Variants in DYNC1I1 observed in about 807,000 individuals in gnomAD.
DYNC1I1 encodes dynein cytoplasmic 1 intermediate chain 1.
Under a neutral mutation model 86.6 loss-of-function variants are expected in DYNC1I1, and 43 were observed. The ratio of observed to expected loss-of-function variants is 0.50; its 90% CI spans 0.39 to 0.64. The LOEUF (loss-of-function observed/expected upper bound fraction) is 0.64. Ranked by LOEUF, DYNC1I1 falls within the 30% of genes least tolerant of loss-of-function variation. The pLI, the probability that DYNC1I1 is intolerant of heterozygous loss-of-function variation, is 0.00. For missense variants in DYNC1I1, 604 were observed against 788.8 expected, an observed-to-expected ratio of 0.77 and a Z score of 2.81; for synonymous variants, 262 against 283.7, an observed-to-expected ratio of 0.92 and a Z score of 0.77.
intron 14 of DYNC1I1, among the ~76,000 whole-genome samples, chr7:96,055,358 T>G (rs1291424018): frequency 1.3e-5 from 2 of 151,970 alleles, no homozygotes; most frequent in African/African-American, 4.8e-5. Context: ...GGTATACCTA[T>G]GTAACAAACC....
At chr7:95,890,041 C>T (rs573734381) in intron 6 of DYNC1I1, among the ~76,000 whole-genome samples, 4 of 152,242 alleles carry the variant, frequency 2.6e-5, no homozygotes, top group African/African-American at 9.6e-5. Context: ...TGTGGCAATT[C>T]CTGAAATAGC....
intron 6 of DYNC1I1, among the ~76,000 whole-genome samples, chr7:95,942,962 C>T (rs1380790784): frequency 1.4e-5 from 2 of 143,760 alleles, no homozygotes; most frequent in African/African-American, 5.2e-5. Context: ...AAAACTGGCA[C>T]AAGACAGGGA....
intron 6 of DYNC1I1, among the ~76,000 whole-genome samples, chr7:95,886,571 G>C (rs757991831): frequency 4.6e-5 from 7 of 152,130 alleles, no homozygotes; most frequent in Non-Finnish European, 1.0e-4. Flanking sequence ...CTGACTTTAA[G>C]TTTCTTCCCA....
At position 95,803,828 on chromosome 7, in the gene DYNC1I1, G is replaced by A. The variant is rs144725200; in HGVS notation, c.-9-893G>A. Among the ~76,000 whole-genome samples the A allele has an allele frequency of 6.6e-3, 1,003 of 152,156 alleles. 7 individuals are homozygous for A. The highest frequency in any genetic ancestry group is 0.022 in the African/African-American group (921 of 41,512). On this transcript the variant is annotated intron_variant, in intron 1 of 16. Transcript: ENST00000447467. ...TTCCATTTTGTTAGTTTTCATTTGG[G>A]AGCACAAAAGACTCAAATATATAAT...
At position 95,815,401 on chromosome 7, in the gene DYNC1I1, A is replaced by C. The variant is rs142395072; in HGVS notation, c.314+2064A>C. On this transcript the variant is annotated intron_variant, in intron 4 of 16. Transcript: ENST00000447467. ...TGCAGGTTTCATAGAAATGCAAGAA[A>C]ATTTGCATTGAAAAATGCTAGTTTT... 5.3e-5 allele frequency among the ~76,000 whole-genome samples: 8 copies of C among 152,284 alleles called. No homozygotes were observed. In the East Asian group the frequency reaches 1.5e-3, roughly 29 times the overall value.
chr7:95,959,226 G>A (rs1375666291), intron 6 of DYNC1I1, among the ~76,000 whole-genome samples: 5 of 152,248 alleles, frequency 3.3e-5, no homozygotes. Context: ...GGCAGATCTT[G>A]CAAAGCTTTG....
intron 8 of DYNC1I1, 75 bp downstream of exon 8, chr7:95,985,052 A>G (rs544281871): frequency 1.3e-6 from 2 of 1,560,730 alleles, no homozygotes; most frequent in South Asian, 2.5e-5. Context: ...TGTTCTGACT[A>G]GGAAAATTCC....
intron 6 of DYNC1I1, among the ~76,000 whole-genome samples, chr7:95,894,721 A>G (rs1406291842): frequency 6.6e-6 from 1 of 152,232 alleles, no homozygotes; most frequent in Non-Finnish European, 1.5e-5. Context: ...TTCCTGTAGC[A>G]TAAAAATCTG....
intron 16 of DYNC1I1, among the ~76,000 whole-genome samples, chr7:96,083,287 A>G (rs1426288279): frequency 3.3e-5 from 5 of 152,130 alleles, no homozygotes; most frequent in Non-Finnish European, 5.9e-5. Flanking sequence ...GTGGTTTTAT[A>G]AGTATTTTTA....
intron 5 of DYNC1I1, among the ~76,000 whole-genome samples, chr7:95,857,026 T>C (rs1189978910): frequency 6.6e-6 from 1 of 152,124 alleles, no homozygotes; most frequent in Non-Finnish European, 1.5e-5. Context: ...ATCTCAACCA[T>C]AGCCTTGTTG....
At chr7:95,882,441 G>A (rs1203670647) in intron 6 of DYNC1I1, among the ~76,000 whole-genome samples, 1 of 152,194 alleles carries the variant, frequency 6.6e-6, no homozygotes, top group Non-Finnish European at 1.5e-5. Context: ...TGGATAGGAA[G>A]TTTGAGCATC....
chr7:95,792,830 G>A (rs755923380), intron 1 of DYNC1I1, among the ~76,000 whole-genome samples: 1 of 152,074 alleles, frequency 6.6e-6, no homozygotes, highest in Non-Finnish European at 1.5e-5. Flanking sequence ...AGATGAATAG[G>A]GGGCATCAGG....
intron 5 of DYNC1I1, among the ~76,000 whole-genome samples, chr7:95,834,472 G>T: frequency 9.5e-6 from 1 of 105,334 alleles, no homozygotes; most frequent in Non-Finnish European, 1.8e-5. Context: ...GTATCAGAAT[G>T]ATGCTGGCCT....
At chr7:96,096,817 A>G (rs1791022960) in intron 16 of DYNC1I1, among the ~76,000 whole-genome samples, 1 of 152,164 alleles carries the variant, frequency 6.6e-6, no homozygotes, top group Non-Finnish European at 1.5e-5. Flanking sequence ...TGGTAAGATT[A>G]TTTAATCTTT....
chr7:95,939,590 G>C (rs1372869350), intron 6 of DYNC1I1, among the ~76,000 whole-genome samples: 2 of 150,726 alleles, frequency 1.3e-5, no homozygotes, highest in African/African-American at 2.4e-5. Flanking sequence ...TTGGTTTAAA[G>C]TCTGTTTTAT....
At chr7:95,800,895 G>A (rs1017439976) in intron 1 of DYNC1I1, among the ~76,000 whole-genome samples, 2 of 152,184 alleles carry the variant, frequency 1.3e-5, no homozygotes, top group African/African-American at 2.4e-5. Flanking sequence ...TTTGCTCCTC[G>A]ATTTGCTTTC....
At chr7:95,873,415 A>C (rs1790225201) in intron 6 of DYNC1I1, among the ~76,000 whole-genome samples, 1 of 152,212 alleles carries the variant, frequency 6.6e-6, no homozygotes. Context: ...AATAGGTGCA[A>C]ATGTTGAACA....
intron 12 of DYNC1I1, 21 bp downstream of exon 12, chr7:96,032,801 A>G: frequency 6.4e-7 from 1 of 1,573,662 alleles, no homozygotes; most frequent in Non-Finnish European, 8.7e-7. Context: ...TTTTCCCTAC[A>G]CATAACACCA....
At chr7:95,902,440 T>C (rs527860450) in intron 6 of DYNC1I1, among the ~76,000 whole-genome samples, 5 of 152,322 alleles carry the variant, frequency 3.3e-5, no homozygotes, top group African/African-American at 1.2e-4. Flanking sequence ...GTTAGCATGA[T>C]GTTCTACAGC....
Sources: allele counts gnomAD v4.1 joint callset (sites outside exome capture counted in the v4.1 genomes callset), GRCh38; gene constraint gnomAD v4.1.1; transcripts MANE v1.5; gene names NCBI Gene and HGNC (gene_info 2026-07-23, HGNC 2026-07-21).